Variants in FBN1 observed in about 807,000 individuals in gnomAD.
The protein encoded by FBN1 is fibrillin 1.
In FBN1, 29 loss-of-function variants were observed where a neutral mutation model predicts 365.1. The observed-to-expected ratio is 0.08, with a 90% CI of 0.06 to 0.11. The LOEUF is 0.11. Among genes scored for constraint, FBN1 ranks in the 10% least tolerant of loss-of-function variants. The probability of loss-of-function intolerance (pLI) is 1.00; values close to 1 mark genes in which losing one functional copy is unlikely to be tolerated. For synonymous variants in FBN1, 1,210 were observed against 1,270.5 expected, an observed-to-expected ratio of 0.95 and a Z score of 1.01; for missense variants, 2,476 against 3,703.2, an observed-to-expected ratio of 0.67 and a Z score of 8.60.
chr15:48,431,958 A>G (rs1435680794), intron 55 of FBN1, among the ~76,000 whole-genome samples: 2 of 152,260 alleles, frequency 1.3e-5, no homozygotes, highest in Admixed American at 6.5e-5. Flanking sequence ...CCTGGCCAAT[A>G]TGACATTATT....
intron 17 of FBN1, among the ~76,000 whole-genome samples, chr15:48,500,819 G>A (rs1196470867): frequency 2.0e-5 from 3 of 152,280 alleles, no homozygotes; most frequent in African/African-American, 7.2e-5. Context: ...ATCAGCTCCA[G>A]CAACCAGTGA....
rs992295484 is a variant in FBN1, at chr15:48,526,910, T to C, written c.863-655A>G. Among the ~76,000 whole-genome samples, 4 of 152,226 alleles carry C rather than the reference T, an allele frequency of 2.6e-5. No individual in the cohort carries two copies. The South Asian group carries it at 6.2e-4, about 24-fold the overall frequency. ...CACACGGTCTTTGGCTCTCAGCCCC[T>C]TCTAAGATTGCCTGAGTCGCAGAGA... On this transcript the variant is annotated intron_variant, in intron 8 of 65. Coordinates refer to ENST00000316623, the MANE Select transcript of FBN1 (RefSeq NM_000138.5).
chr15:48,494,040 T>C (rs890540743), intron 23 of FBN1, among the ~76,000 whole-genome samples, 164 bp downstream of exon 23: 4 of 152,250 alleles, frequency 2.6e-5, no homozygotes, highest in African/African-American at 7.2e-5. Context: ...AGTATATATA[T>C]GCTTGTGAAA....
In FBN1 at chr15:48,474,535, C is replaced by A. The variant is rs2043404005; in HGVS notation, c.4080G>T (p.Lys1360Asn). The change falls in exon 33 of 66, where the codon AAG (lysine) becomes AAT (asparagine). Residue 1360 changes from lysine (K) to asparagine (N), a missense_variant. By Grantham distance (94) the Lys-to-Asn change is moderately conservative. Coordinates refer to ENST00000316623, the MANE Select transcript of FBN1 (RefSeq NM_000138.5). ...CSPGWIGDGI[K>N]CTDLDECSNG... ...TGTTACTTTCCTACTCACCAGTGCA[C>A]TTAATGCCATCTCCAATCCACCCGG... 6.2e-7 allele frequency: 1 copy of A among 1,614,060 alleles called. No homozygotes were observed. The highest frequency in any genetic ancestry group is 8.5e-7 in the Non-Finnish European group (1 of 1,180,028).
intron 6 of FBN1, among the ~76,000 whole-genome samples, chr15:48,540,601 A>C (rs1044208041): frequency 6.6e-6 from 1 of 152,178 alleles, no homozygotes; most frequent in African/African-American, 2.4e-5. Flanking sequence ...GTACATTACA[A>C]TGAATCCTTT....
intron 64 of FBN1, among the ~76,000 whole-genome samples, chr15:48,413,900 CCAATA>C (rs1487264751): frequency 1.3e-5 from 2 of 152,186 alleles, no homozygotes; most frequent in African/African-American, 4.8e-5. Context: ...TTGCCAGAGT[CCAATA>C]CATTTCCTTT....
At chr15:48,452,457 T>A in intron 45 of FBN1, 105 bp downstream of exon 45, 1 of 1,341,334 alleles carries the variant, frequency 7.5e-7, no homozygotes, top group Non-Finnish European at 1.1e-6. Context: ...AAATCTTAAC[T>A]CATATATTCT....
chr15:48,528,393 G>C (rs1053579291), intron 8 of FBN1, among the ~76,000 whole-genome samples: 1 of 152,164 alleles, frequency 6.6e-6, no homozygotes, highest in Non-Finnish European at 1.5e-5. Context: ...CTGAGTGCTA[G>C]ACATAGTCAA....
At chr15:48,529,003 T>G (rs545651150) in intron 8 of FBN1, 1 of 152,318 alleles carries the variant, frequency 6.6e-6, no homozygotes, top group Admixed American at 6.5e-5. Flanking sequence ...ATTTATTATT[T>G]CTCCAAGTTC....
At chr15:48,614,831 T>C (rs955239648) in intron 2 of FBN1, among the ~76,000 whole-genome samples, 11 of 152,134 alleles carry the variant, frequency 7.2e-5, no homozygotes, top group African/African-American at 1.9e-4. Context: ...GAAAATGCAA[T>C]GCAGCATTAT....
At chr15:48,503,509 G>C (rs1380185542) in intron 17 of FBN1, among the ~76,000 whole-genome samples, 1 of 151,394 alleles carries the variant, frequency 6.6e-6, no homozygotes, top group African/African-American at 2.5e-5. Flanking sequence ...AACAACTTTA[G>C]AAAACAAGGC....
intron 4 of FBN1, among the ~76,000 whole-genome samples, chr15:48,609,922 A>C (rs1380562018): frequency 6.6e-6 from 1 of 152,230 alleles, no homozygotes; most frequent in Non-Finnish European, 1.5e-5. Context: ...CAGTAAACAA[A>C]AGAGAATGCA....
intron 17 of FBN1, among the ~76,000 whole-genome samples, chr15:48,501,006 C>T (rs2141311886): frequency 6.6e-6 from 1 of 152,338 alleles, no homozygotes. Context: ...TCGGATGGTT[C>T]ATGACCAAAG....
intron 29 of FBN1, 50 bp from the exon 30 acceptor site, chr15:48,485,546 T>C: frequency 3.7e-6 from 6 of 1,600,560 alleles, no homozygotes; most frequent in Non-Finnish European, 4.3e-6. Context: ...TGGATGTCTG[T>C]CCCCTCCAAT....
intron 43 of FBN1, among the ~76,000 whole-genome samples, chr15:48,459,507 G>A (rs933237379): frequency 6.6e-6 from 1 of 152,184 alleles, no homozygotes; most frequent in African/African-American, 2.4e-5. Flanking sequence ...GTGGAATAAA[G>A]CAAGTGGTGA....
rs756616651 is a variant in FBN1, at chr15:48,526,165, C to A, written c.953G>T (p.Gly318Val). 1 of 1,614,096 alleles carries A rather than the reference C, an allele frequency of 6.2e-7. No homozygotes were observed. Among genetic ancestry groups the A allele is most frequent in the South Asian group, 1.1e-5 (1 of 91,084 alleles). The change falls in exon 9 of 66, where the codon GGT (glycine) becomes GTT (valine). Residue 318 changes from glycine to valine, a missense_variant. By Grantham distance (109) the Gly-to-Val change is moderately radical. Coordinates refer to ENST00000316623, the MANE Select transcript of FBN1 (RefSeq NM_000138.5). ...GGTACCATCTGGAGAGGTGTAAAAACCAGGGGGACATTTGCAAAAGTAACT... is the reference window on the plus strand; with the variant it reads ...GGTACCATCTGGAGAGGTGTAAAAAACAGGGGGACATTTGCAAAAGTAACT... The part of the protein sequence containing the change: ...VSSYFCKCPP[G>V]FYTSPDGTRC...
At chr15:48,575,841 AC>A (rs2044342854) in intron 6 of FBN1, among the ~76,000 whole-genome samples, 1 of 148,514 alleles carries the variant, frequency 6.7e-6, no homozygotes, top group African/African-American at 2.5e-5. Flanking sequence ...ACACACACAC[AC>A]ACCATGGAAT....
chr15:48,533,532 A>G (rs888246015), intron 8 of FBN1, among the ~76,000 whole-genome samples: 1 of 152,214 alleles, frequency 6.6e-6, no homozygotes, highest in Non-Finnish European at 1.5e-5. Flanking sequence ...AAATATAAAA[A>G]TTATCTCAAA....
rs773293790 is a variant in FBN1 at position 48,420,540 on chromosome 15, C to T, written c.7819+147G>A. ...GTTTGCTGTTTTGCAAAGACTGTTA[C>T]TTACCTCGGGTTTCAACCAGGTTAG... On this transcript the variant is annotated intron_variant, in intron 63 of 65. Coordinates refer to ENST00000316623, the MANE Select transcript of FBN1 (RefSeq NM_000138.5). The T allele has an allele frequency of 1.6e-5, 16 of 984,434 alleles. 1 individual carries two copies. The highest frequency in any genetic ancestry group is 1.1e-4 in the South Asian group (8 of 73,472). 61.0% of individuals were successfully genotyped at this position (984,434 alleles called of 1,614,324 possible).
Sources: gnomAD v4.1 joint callset for allele counts (sites outside exome capture counted in the v4.1 genomes callset) on GRCh38, gnomAD v4.1.1 for gene constraint, MANE v1.5 for transcripts, NCBI Gene and HGNC (gene_info 2026-07-23, HGNC 2026-07-21) for gene names.